Variants in CPS1 observed in about 807,000 individuals in gnomAD.
CPS1 encodes the protein carbamoyl-phosphate synthase [ammonia], mitochondrial.
A neutral mutation model predicts 174.6 loss-of-function variants in CPS1; 109 were observed. The ratio of observed to expected loss-of-function variants is 0.62; its 90% CI spans 0.53 to 0.73. The LOEUF (loss-of-function observed/expected upper bound fraction) is 0.73, where lower values mean the gene tolerates loss of function less well. Ranked by LOEUF, CPS1 falls within the 30% of genes least tolerant of loss-of-function variation. The pLI is 0.00. For synonymous variants in CPS1, 637 were observed against 632.0 expected (o/e 1.01, Z -0.12); for missense variants, 1,689 against 1,821.9 (o/e 0.93, Z 1.33).
intron 21 of CPS1, among the ~76,000 whole-genome samples, chr2:210,624,725 T>C (rs1699644025): frequency 6.6e-6 from 1 of 152,050 alleles, no homozygotes; most frequent in Non-Finnish European, 1.5e-5. Context: ...GTTTTCATAG[T>C]TTTGGCAAAT....
chr2:210,604,466 T>G (rs6721477), intron 16 of CPS1, among the ~76,000 whole-genome samples: 94,251 of 151,712 alleles, frequency 0.62, 29,861 homozygotes, highest in African/African-American at 0.74. Flanking sequence ...AATATGAAAT[T>G]ATAATTATGC....
rs76326818 is a variant in CPS1 at position 210,504,510 on chromosome 2, G to A, written c.3+26744G>A. Among the ~76,000 whole-genome samples the A allele has an allele frequency of 3.4e-3, 515 of 152,290 alleles. 1 individual carries two copies. The highest frequency in any genetic ancestry group is 5.9e-3 in the Admixed American group (91 of 15,302). On this transcript the variant is annotated intron_variant, in intron 1 of 38. Transcript: ENST00000430249. Reference sequence around the variant, plus strand: ...TTACAGATGAAGAAATTGAGTAAAAGTAGGGTTAAGTAAGTTGCTCAATGT... The same window carrying A: ...TTACAGATGAAGAAATTGAGTAAAAATAGGGTTAAGTAAGTTGCTCAATGT...
intron 1 of CPS1, among the ~76,000 whole-genome samples, chr2:210,542,969 G>A (rs1696471655): frequency 6.6e-6 from 1 of 152,240 alleles, no homozygotes; most frequent in African/African-American, 2.4e-5. Flanking sequence ...ACATGGCAGA[G>A]TTGTTCACTC....
intron 33 of CPS1, among the ~76,000 whole-genome samples, chr2:210,664,155 C>CA (rs202140274): frequency 3.8e-4 from 57 of 150,976 alleles, no homozygotes; most frequent in African/African-American, 1.2e-3. Context: ...AATTTAAGGG[C>CA]AAAAAAAACC....
At chr2:210,639,924 G>A in intron 23 of CPS1, 72 bp from the exon 24 acceptor site, 1 of 1,054,046 alleles carries the variant, frequency 9.5e-7, no homozygotes, top group East Asian at 2.4e-5. Flanking sequence ...CTTAATGATA[G>A]GACAACTAGT....
intron 1 of CPS1, among the ~76,000 whole-genome samples, chr2:210,547,955 AATAAG>A (rs1696606225): frequency 6.6e-6 from 1 of 152,028 alleles, no homozygotes; most frequent in Non-Finnish European, 1.5e-5. Context: ...TATGTGTTAT[AATAAG>A]ATAAGTGTTA....
chr2:210,504,470 A>G (rs930789668), intron 1 of CPS1, among the ~76,000 whole-genome samples: 3 of 152,210 alleles, frequency 2.0e-5, no homozygotes, highest in African/African-American at 7.2e-5. Context: ...GCTAGGTCCT[A>G]TTATTATCCC....
At position 210,616,534 on chromosome 2, in the gene CPS1, C is replaced by T; in HGVS notation, c.2680C>T (p.Leu894Phe). The change falls in exon 21 of 38, where the codon CTC becomes TTC. Residue 894 changes from leucine to phenylalanine, a missense_variant. By Grantham distance (22) the Leu-to-Phe change is conservative. Coordinates refer to ENST00000233072, the MANE Select transcript of CPS1 (RefSeq NM_001875.5). Reference sequence around the variant, plus strand: ...AAACATGGAAAAGACACTGAAAGGCCTCAACAGGTAAGGCAGTGCTGCTCT... The same window carrying T: ...AAACATGGAAAAGACACTGAAAGGCTTCAACAGGTAAGGCAGTGCTGCTCT... ...ILNMEKTLKGLNSESMTEETL... is the reference protein window; with the variant it reads ...ILNMEKTLKGFNSESMTEETL... The T allele has an allele frequency of 6.4e-7, 1 of 1,574,580 alleles. No individual in the cohort carries two copies. Among genetic ancestry groups the T allele is most frequent in the Non-Finnish European group, 8.7e-7 (1 of 1,145,072 alleles).
At chr2:210,641,928 C>T (rs1315484639) in intron 24 of CPS1, among the ~76,000 whole-genome samples, 2 of 152,200 alleles carry the variant, frequency 1.3e-5, no homozygotes, top group African/African-American at 2.4e-5. Flanking sequence ...TAGAAGGTCA[C>T]TCACTCTGCA....
At chr2:210,583,002 T>C (rs143713295) in intron 6 of CPS1, among the ~76,000 whole-genome samples, 112 of 152,074 alleles carry the variant, frequency 7.4e-4, no homozygotes, top group African/African-American at 2.6e-3. Flanking sequence ...CAATGTAAAA[T>C]AAAGGAAGCA....
chr2:210,591,119 T>C (rs1698282593), intron 9 of CPS1, among the ~76,000 whole-genome samples: 1 of 151,876 alleles, frequency 6.6e-6, no homozygotes, highest in East Asian at 1.9e-4. Flanking sequence ...TGACAGTTGT[T>C]TGACTACCTG....
rs558817444 is a variant in CPS1 at position 210,567,063 on chromosome 2, A to G, written c.127-6235A>G. Among the ~76,000 whole-genome samples the G allele has an allele frequency of 4.6e-5, 7 of 152,290 alleles. No homozygotes were observed. In the East Asian group the frequency reaches 1.4e-3, roughly 29 times the overall value. ...TATATGCAACCCAGTTTATGTTTTA[A>G]TAGGTTATCAGTAAAGTAATGGCAG... On this transcript the variant is annotated intron_variant, in intron 1 of 37. Transcript: ENST00000233072.
Position 210,668,269 on chromosome 2 carries a change from C to T in CPS1, c.4086C>T (p.Ile1362=). 6.2e-7 allele frequency: 1 copy of T among 1,612,980 alleles called. No individual in the cohort carries two copies. ...GATTTAAGATACCCCAGAAAGGCAT[C>T]CTGATAGGCATCCAGGTAAGTGGTT... ...STGFKIPQKG[I]LIGIQQSFRP... The change falls in exon 34 of 38, where the codon ATC becomes ATT. Residue 1362 remains isoleucine, a synonymous_variant. Transcript: ENST00000233072.
chr2:210,630,863 C>A (rs12468557), intron 21 of CPS1, among the ~76,000 whole-genome samples: 1 of 151,798 alleles, frequency 6.6e-6, no homozygotes, highest in African/African-American at 2.4e-5. Context: ...GTCTTGAACC[C>A]GTGAAACGCC....
intron 34 of CPS1, chr2:210,673,541 A>G (rs1261414011): frequency 6.6e-6 from 1 of 152,256 alleles, no homozygotes; most frequent in Non-Finnish European, 1.5e-5. Context: ...CTGTGTGGAA[A>G]TGAAATGCGT....
chr2:210,526,479 C>T (rs1448730851), intron 1 of CPS1, among the ~76,000 whole-genome samples: 1 of 151,818 alleles, frequency 6.6e-6, no homozygotes, highest in East Asian at 1.9e-4. Flanking sequence ...TTACTTAACT[C>T]AGTTTTCTTA....
chr2:210,661,359 C>T (rs567588627), intron 32 of CPS1, among the ~76,000 whole-genome samples: 10 of 152,100 alleles, frequency 6.6e-5, no homozygotes, highest in East Asian at 3.9e-4. Context: ...GATATATAAA[C>T]GTATTTGAAT....
chr2:210,505,555 TG>T (rs1695254960), intron 1 of CPS1, among the ~76,000 whole-genome samples: 1 of 150,394 alleles, frequency 6.6e-6, no homozygotes, highest in African/African-American at 2.5e-5. Flanking sequence ...GGACAGTGGG[TG>T]CAGTGCACTG....
At chr2:210,561,236 A>G (rs114346892) in intron 1 of CPS1, among the ~76,000 whole-genome samples, 3,159 of 152,274 alleles carry the variant, frequency 0.021, 96 homozygotes, top group African/African-American at 0.072. Context: ...TGCAAAATTT[A>G]AGGAGGCTGT....
Sources: gnomAD v4.1 joint callset for allele counts (sites outside exome capture counted in the v4.1 genomes callset) on GRCh38, gnomAD v4.1.1 for gene constraint, MANE v1.5 for transcripts, NCBI Gene and HGNC (gene_info 2026-07-23, HGNC 2026-07-21) for gene names.